Variants in SNX13 observed in about 807,000 individuals in gnomAD.
SNX13 encodes the protein sorting nexin 13.
A neutral mutation model predicts 133.6 loss-of-function variants in SNX13; 45 were observed. The ratio of observed to expected loss-of-function variants is 0.34; its 90% CI spans 0.27 to 0.43. The LOEUF (loss-of-function observed/expected upper bound fraction) is 0.43. Among genes scored for constraint, SNX13 ranks in the 20% least tolerant of loss-of-function variants. The probability of loss-of-function intolerance (pLI) is 1.00; values close to 1 mark genes in which losing one functional copy is unlikely to be tolerated. For synonymous variants in SNX13, 414 were observed against 373.9 expected (o/e 1.11, Z -1.24); for missense variants, 1,032 against 1,145.1 (o/e 0.90, Z 1.43).
intron 1 of SNX13, among the ~76,000 whole-genome samples, chr7:17,925,377 T>C (rs1053743549): frequency 6.6e-6 from 1 of 152,126 alleles, no homozygotes; most frequent in Non-Finnish European, 1.5e-5. Flanking sequence ...GCAAAAGCCG[T>C]TGAATTGAAT....
chr7:17,940,088 C>G (rs1401728174), intron 1 of SNX13, among the ~76,000 whole-genome samples, 196 bp downstream of exon 1: 1 of 152,014 alleles, frequency 6.6e-6, no homozygotes. Flanking sequence ...GCACTGGCAG[C>G]CGGAGGTGGT....
At chr7:17,801,028 A>ATATATACG (rs1554302640) in intron 22 of SNX13, among the ~76,000 whole-genome samples, 1 of 18,172 alleles carries the variant, frequency 5.5e-5, no homozygotes, top group African/African-American at 1.5e-4. Flanking sequence ...ATATATATAT[A>ATATATACG]TATATATATA....
chr7:17,888,988 T>C (rs893569200), intron 5 of SNX13: 1 of 219,248 alleles, frequency 4.6e-6, no homozygotes, highest in African/African-American at 2.4e-5. Flanking sequence ...TATTTTTCAA[T>C]AGTCAGGCAC....
At chr7:17,927,975 C>T (rs1800947008) in intron 1 of SNX13, among the ~76,000 whole-genome samples, 2 of 152,090 alleles carry the variant, frequency 1.3e-5, no homozygotes, top group African/African-American at 4.8e-5. Flanking sequence ...TCACAAATGT[C>T]CCCCCATCCA....
chr7:17,809,754 AATCAT>A (rs2128294061), intron 20 of SNX13, among the ~76,000 whole-genome samples: 1 of 152,336 alleles, frequency 6.6e-6, no homozygotes, highest in Admixed American at 6.5e-5. Flanking sequence ...AAAGAATGGA[AATCAT>A]AACAAACAGT....
chr7:17,840,344 A>C (rs1789725977), intron 12 of SNX13, among the ~76,000 whole-genome samples: 1 of 152,042 alleles, frequency 6.6e-6, no homozygotes, highest in African/African-American at 2.4e-5. Context: ...TTTAAAAATG[A>C]CTCTTCAAAC....
chr7:17,825,048 C>A (rs554726324), intron 17 of SNX13, among the ~76,000 whole-genome samples: 1 of 152,100 alleles, frequency 6.6e-6, no homozygotes, highest in African/African-American at 2.4e-5. Context: ...GGATTACAGG[C>A]GTGAGCCACC....
Position 17,834,883 on chromosome 7 carries a change from T to C in SNX13, c.1360-18A>G. The C allele has an allele frequency of 7.1e-7, 1 of 1,403,952 alleles. No homozygotes were observed. The highest frequency in any genetic ancestry group is 1.7e-5 in the Admixed American group (1 of 57,312). 87.0% of individuals were successfully genotyped at this position (1,403,952 alleles called of 1,614,324 possible). A position where few individuals can be genotyped will look rare whatever the true frequency, so the allele number is the denominator to read the frequency against. ...GGAGATGCCTAACAGAGAAAAATAA[T>C]AGTAATGATCTCTGTAATTTCTTAA... is the stretch of plus-strand genomic sequence containing the variant. On this transcript the variant is annotated intron_variant, in intron 13 of 25. Transcript: ENST00000428135.
At chr7:17,921,161 GA>G (rs1243759928) in intron 1 of SNX13, among the ~76,000 whole-genome samples, 1 of 152,138 alleles carries the variant, frequency 6.6e-6, no homozygotes, top group Non-Finnish European at 1.5e-5. Flanking sequence ...GACTTCCTAT[GA>G]AATTCAGTCT....
rs1430839168 is a variant in SNX13 at position 17,868,220 on chromosome 7, A to C, written c.837+187T>G. 3 of 533,236 alleles carry C rather than the reference A, an allele frequency of 5.6e-6. No homozygotes were observed. The African/African-American group carries it at 5.9e-5, about 11-fold the overall frequency. 33.0% of individuals were successfully genotyped at this position (533,236 alleles called of 1,614,324 possible). ...AGGAAGATAATCAACAAAATTCTTA[A>C]AGAGAATTTGGCCAACACATTCAAA... On this transcript the variant is annotated intron_variant, in intron 9 of 25. Transcript: ENST00000428135.
Position 17,875,774 on chromosome 7 carries a change from A to G in SNX13, c.457T>C (p.Trp153Arg), listed in dbSNP as rs1304397844. The change falls in exon 6 of 26, where the codon TGG becomes CGG. Residue 153 changes from tryptophan to arginine, a missense_variant. Physicochemically the swap from Trp to Arg is moderately radical, Grantham distance 101 (BLOSUM62 -3). Transcript: ENST00000428135. ...QFATRSKEID[W>R]QPYFTTRIVD... ...ATGCGTGTAGTAAAATAAGGTTGCCAGTCTATTTCTTTTGACCTTATAAAA... is the reference window on the plus strand; with the variant it reads ...ATGCGTGTAGTAAAATAAGGTTGCCGGTCTATTTCTTTTGACCTTATAAAA... 5 of 1,603,288 alleles carry G rather than the reference A, an allele frequency of 3.1e-6. No individual in the cohort carries two copies. Among genetic ancestry groups the G allele is most frequent in the Non-Finnish European group, 4.3e-6 (5 of 1,174,206 alleles).
chr7:17,805,250 T>TGTGTGTGTGTGTGCGCGCGCGC lies in SNX13; in HGVS notation c.2065-1671_2065-1670insGCGCGCGCGCACACACACACAC. ...GTGTGTGTGTGTGTGTGTGTGTGTG[T>TGTGTGTGTGTGTGCGCGCGCGC]GCGTGCGCGCGCGCGCATGCATGCA... On this transcript the variant is annotated intron_variant, in intron 20 of 25. Transcript: ENST00000428135. 4.3e-4 allele frequency among the ~76,000 whole-genome samples: 41 copies of TGTGTGTGTGTGTGCGCGCGCGC among 95,542 alleles called. 1 individual carries two copies. The highest frequency in any genetic ancestry group is 1.4e-3 in the Admixed American group (12 of 8,538). The allele number at this position is 95,542 out of a possible 152,430, so 62.7% of individuals were successfully genotyped here. A position where few individuals can be genotyped will look rare whatever the true frequency, so the allele number is the denominator to read the frequency against.
chr7:17,852,334 C>A (rs141173481), intron 9 of SNX13, among the ~76,000 whole-genome samples: 2,285 of 151,976 alleles, frequency 0.015, 60 homozygotes, highest in African/African-American at 0.053. Flanking sequence ...GATCGTGCCA[C>A]TGTACTCCAG....
chr7:17,879,822 T>C (rs780424804), intron 5 of SNX13: 1 of 152,200 alleles, frequency 6.6e-6, no homozygotes, highest in Non-Finnish European at 1.5e-5. Context: ...GGTCTTTTAC[T>C]CAAATCAAAG....
chr7:17,890,995 A>G lies in SNX13; in HGVS notation c.319-511T>C, dbSNP rs570420921. Among the ~76,000 whole-genome samples the G allele has an allele frequency of 2.0e-5, 3 of 152,054 alleles. No homozygotes were observed. In the South Asian group the frequency reaches 6.2e-4, roughly 32 times the overall value. ...ACTGCCAACAGTATTCAGACAATAAATAGTACATAATACAACTCAATGTAT... is the reference window on the plus strand; with the variant it reads ...ACTGCCAACAGTATTCAGACAATAAGTAGTACATAATACAACTCAATGTAT... On this transcript the variant is annotated intron_variant, in intron 4 of 25. Coordinates refer to ENST00000428135, the MANE Select transcript of SNX13 (RefSeq NM_015132.5).
rs372316163 is a variant in SNX13 at position 17,794,222 on chromosome 7, C to T, written c.2697G>A (p.Gln899=). ...KGILRVFEMF[Q]HNQLNRRMVY... is the part of the protein sequence containing the mutation. The stretch of plus-strand genomic sequence containing the variant: ...CCATTCTCCTATTTAATTGGTTGTG[C>T]TGAAACATTTCAAAAACACGAAGAA... The change falls in exon 26 of 26, where the codon CAG becomes CAA. Residue 899 remains glutamine, a synonymous_variant. Coordinates refer to ENST00000428135, the MANE Select transcript of SNX13 (RefSeq NM_015132.5). 1 of 1,611,626 alleles carries T rather than the reference C, an allele frequency of 6.2e-7. No homozygotes were observed. The highest frequency in any genetic ancestry group is 2.2e-5 in the East Asian group (1 of 44,790).
At chr7:17,864,588 T>C (rs1482942661) in intron 9 of SNX13, among the ~76,000 whole-genome samples, 4 of 152,062 alleles carry the variant, frequency 2.6e-5, no homozygotes, top group Admixed American at 6.5e-5. Context: ...GGTAAAAAGT[T>C]TATTCAAAGA....
At chr7:17,862,839 A>G (rs1179960864) in intron 9 of SNX13, among the ~76,000 whole-genome samples, 14 of 152,182 alleles carry the variant, frequency 9.2e-5, no homozygotes, top group Admixed American at 9.2e-4. Context: ...CAGGAACACC[A>G]TATTAAATAA....
intron 25 of SNX13, chr7:17,795,030 A>C (rs1434922472): frequency 6.6e-6 from 1 of 151,588 alleles, no homozygotes; most frequent in Non-Finnish European, 1.5e-5. Flanking sequence ...CCTTGGTGAA[A>C]AGAACATGAA....
Sources: gnomAD v4.1 joint callset for allele counts (sites outside exome capture counted in the v4.1 genomes callset) on GRCh38, gnomAD v4.1.1 for gene constraint, MANE v1.5 for transcripts, NCBI Gene and HGNC (gene_info 2026-07-23, HGNC 2026-07-21) for gene names.